Variants in DPY19L3 observed in about 807,000 individuals in gnomAD.
DPY19L3 encodes dpy-19 like C-mannosyltransferase 3.
DPY19L3 carries 51 observed loss-of-function variants against 92.3 expected under a neutral mutation model. The observed-to-expected ratio is 0.55, with a 90% CI of 0.44 to 0.70. The LOEUF (loss-of-function observed/expected upper bound fraction) is 0.70, where lower values mean the gene tolerates loss of function less well. Ranked by LOEUF, DPY19L3 falls within the 30% of genes least tolerant of loss-of-function variation. DPY19L3 has a pLI of 0.00. For synonymous variants in DPY19L3, 309 were observed against 315.2 expected (o/e 0.98, Z 0.21); for missense variants, 706 against 855.9 (o/e 0.82, Z 2.18).
chr19:32,406,114 C>G (rs966199516), intron 1 of DPY19L3: 4 of 151,976 alleles, frequency 2.6e-5, no homozygotes, highest in African/African-American at 4.8e-5. Flanking sequence ...GGGCTGGGCT[C>G]CGGAAGGACC....
At chr19:32,479,790 C>T (rs930654221) in intron 17 of DPY19L3, among the ~76,000 whole-genome samples, 1 of 152,216 alleles carries the variant, frequency 6.6e-6, no homozygotes, top group Non-Finnish European at 1.5e-5. Flanking sequence ...TGTGGCGTTG[C>T]CCACGGTGTG....
At chr19:32,414,093 G>A (rs1296497241) in intron 3 of DPY19L3, among the ~76,000 whole-genome samples, 1 of 151,996 alleles carries the variant, frequency 6.6e-6, no homozygotes, top group Non-Finnish European at 1.5e-5. Flanking sequence ...GACCAGCCTG[G>A]CCAACATGGT....
Position 32,437,252 on chromosome 19 carries a change from A to T in DPY19L3, c.509A>T (p.Tyr170Phe), listed in dbSNP as rs779217150. The T allele has an allele frequency of 6.2e-7, 1 of 1,614,010 alleles. No homozygotes were observed. Among genetic ancestry groups the T allele is most frequent in the Non-Finnish European group, 8.5e-7 (1 of 1,180,024 alleles). ...ACCTTATTTGGGCTCCAGGCGATCT[A>T]TGTCACAGCTCTCTACATAACCAGC... is the stretch of plus-strand genomic sequence containing the variant. ...IYTLFGLQAI[Y>F]VTALYITSWL... The change falls in exon 6 of 19, where the codon TAT (tyrosine) becomes TTT (phenylalanine). Residue 170 changes from tyrosine to phenylalanine, a missense_variant. Tyr to Phe is a conservative substitution (Grantham distance 22). Coordinates refer to ENST00000392250, the MANE Select transcript of DPY19L3 (RefSeq NM_001172774.2).
At chr19:32,465,601 G>T (rs1009790567) in intron 15 of DPY19L3, among the ~76,000 whole-genome samples, 1 of 152,178 alleles carries the variant, frequency 6.6e-6, no homozygotes, top group African/African-American at 2.4e-5. Flanking sequence ...AAAAGCAGGG[G>T]TGATGGGACC....
chr19:32,411,143 CAGCTAGACTT>C, intron 2 of DPY19L3, 86 bp from the exon 3 acceptor site: 1 of 1,298,170 alleles, frequency 7.7e-7, no homozygotes, highest in Non-Finnish European at 1.1e-6. Context: ...CAGTGACAGG[CAGCTAGACTT>C]AGCTTACTTG....
Position 32,458,170 on chromosome 19 carries a change from CA to C in DPY19L3, c.1162del (p.Arg388GlyfsTer42), listed in dbSNP as rs1969926389. 1 of 1,612,826 alleles carries C rather than the reference CA, an allele frequency of 6.2e-7. No homozygotes were observed. On this transcript the variant is annotated frameshift_variant and splice_region_variant, in exon 11 of 19. Coordinates refer to ENST00000392250, the MANE Select transcript of DPY19L3 (RefSeq NM_001172774.2). LOFTEE classifies it high-confidence loss of function. ...AAGGCAAAATTTGGGCTTGGAGCAACAAGGTATAACTGAATTGAAAGTCTAT... is the reference window on the plus strand; with the variant it reads ...AAGGCAAAATTTGGGCTTGGAGCAACAGGTATAACTGAATTGAAAGTCTAT... ...FLKAKFGLGA[T>X]RDFDANLYLC...
At position 32,485,824 on chromosome 19, in the gene DPY19L3, G is replaced by A. The variant is rs1350443302; in HGVS notation, c.*3584G>A. On this transcript the variant is annotated 3_prime_UTR_variant, in exon 19 of 19. Coordinates refer to ENST00000392250, the MANE Select transcript of DPY19L3 (RefSeq NM_001172774.2). ...CCCTTTGGGTAAAATCTTGCAAAGA[G>A]CTTTTATAATTTGTTTTACTGAATT... 6.6e-6 allele frequency: 1 copy of A among 152,188 alleles called. No homozygotes were observed. Among genetic ancestry groups the A allele is most frequent in the Non-Finnish European group, 1.5e-5 (1 of 68,036 alleles). 9.4% of individuals were successfully genotyped at this position (152,188 alleles called of 1,614,324 possible). A position where few individuals can be genotyped will look rare whatever the true frequency, so the allele number is the denominator to read the frequency against.
intron 3 of DPY19L3, among the ~76,000 whole-genome samples, chr19:32,431,470 A>C (rs1968966502): frequency 6.6e-6 from 1 of 152,112 alleles, no homozygotes; most frequent in Non-Finnish European, 1.5e-5. Context: ...CTGGTGTAAA[A>C]GAATCTCTAA....
intron 8 of DPY19L3, among the ~76,000 whole-genome samples, chr19:32,450,059 A>G (rs79942920): frequency 0.015 from 2,344 of 152,320 alleles, 51 homozygotes; most frequent in African/African-American, 0.05. Context: ...AACTCTTTCA[A>G]TGATAAAATA....
chr19:32,407,897 C>T (rs1272284638), intron 1 of DPY19L3, among the ~76,000 whole-genome samples: 1 of 152,072 alleles, frequency 6.6e-6, no homozygotes, highest in Admixed American at 6.6e-5. Flanking sequence ...AGTTCAGTAC[C>T]AGCCTGGGCA....
At chr19:32,413,519 A>G (rs191496239) in intron 3 of DPY19L3, among the ~76,000 whole-genome samples, 4 of 151,918 alleles carry the variant, frequency 2.6e-5, no homozygotes, top group Admixed American at 2.6e-4. Flanking sequence ...TTACATATGT[A>G]TACATGTGCC....
intron 6 of DPY19L3, among the ~76,000 whole-genome samples, chr19:32,438,267 C>G (rs1009078428): frequency 7.2e-5 from 11 of 151,958 alleles, no homozygotes; most frequent in African/African-American, 2.7e-4. Context: ...TATGACAGTC[C>G]TGTTGGGGGT....
rs1362977660 is a variant in DPY19L3, at chr19:32,483,034, C to T, written c.*794C>T. ...AAAACTTACTGATACTCTTTAACCT[C>T]TCCTGCAGTAATAGTTTTGCTTTAT... On this transcript the variant is annotated 3_prime_UTR_variant, in exon 19 of 19. Coordinates refer to ENST00000392250, the MANE Select transcript of DPY19L3 (RefSeq NM_001172774.2). 1 of 152,198 alleles carries T rather than the reference C, an allele frequency of 6.6e-6. No homozygotes were observed. Among genetic ancestry groups the T allele is most frequent in the African/African-American group, 2.4e-5 (1 of 41,452 alleles). The allele number at this position is 152,198 out of a possible 1,614,324, so 9.4% of individuals were successfully genotyped here.
At chr19:32,460,197 T>C (rs184021071) in intron 12 of DPY19L3, among the ~76,000 whole-genome samples, 54 of 151,972 alleles carry the variant, frequency 3.6e-4, no homozygotes, top group African/African-American at 1.3e-3. Flanking sequence ...GGCTAGGAGT[T>C]CTAGACCAGC....
At chr19:32,465,759 T>TA (rs1225514238) in intron 15 of DPY19L3, among the ~76,000 whole-genome samples, 1 of 152,198 alleles carries the variant, frequency 6.6e-6, no homozygotes, top group Admixed American at 6.5e-5. Flanking sequence ...TGTGTTCTGT[T>TA]ATGAGCCTGT....
intron 2 of DPY19L3, among the ~76,000 whole-genome samples, chr19:32,410,253 A>C (rs1568320890): frequency 6.6e-6 from 1 of 152,084 alleles, no homozygotes; most frequent in Non-Finnish European, 1.5e-5. Flanking sequence ...CATGTCCTTA[A>C]TCTTTTTCCT....
chr19:32,480,004 C>T (rs1326682227), intron 17 of DPY19L3, among the ~76,000 whole-genome samples: 4 of 152,156 alleles, frequency 2.6e-5, no homozygotes, highest in Admixed American at 2.6e-4. Flanking sequence ...TCAGACTGTC[C>T]CATCACCCTT....
At position 32,463,430 on chromosome 19, in the gene DPY19L3, A is replaced by G. The variant is rs763731025; in HGVS notation, c.1387A>G (p.Thr463Ala). The G allele has an allele frequency of 6.8e-6, 11 of 1,613,872 alleles. No individual in the cohort carries two copies. The South Asian group carries it at 8.8e-5, about 13-fold the overall frequency. ...EKGTVDLKPE[T>A]AYNLIHTILF... ...AGGCACAGTTGACCTGAAACCAGAA[A>G]CTGCCTACAACTTAATACATACCAT... Residue 463 changes from threonine to alanine, a missense_variant, in exon 13 of 19, where the codon ACT becomes GCT. Thr to Ala is a moderately conservative substitution (Grantham distance 58). Coordinates refer to ENST00000392250, the MANE Select transcript of DPY19L3 (RefSeq NM_001172774.2).
chr19:32,453,398 A>G lies in DPY19L3; in HGVS notation c.987+122A>G. 3 of 995,884 alleles carry G rather than the reference A, an allele frequency of 3.0e-6. 1 individual carries two copies. The highest frequency in any genetic ancestry group is 4.3e-6 in the Non-Finnish European group (3 of 703,348). 61.7% of individuals were successfully genotyped at this position (995,884 alleles called of 1,614,324 possible). A position where few individuals can be genotyped will look rare whatever the true frequency, so the allele number is the denominator to read the frequency against. ...CAACCTGATTTGCACTAAAAAGAGC[A>G]CGTGGCATTGTGTGCTTTTTCTTGT... On this transcript the variant is annotated intron_variant, in intron 9 of 18. Coordinates refer to ENST00000392250, the MANE Select transcript of DPY19L3 (RefSeq NM_001172774.2).
Sources: gnomAD v4.1 joint callset for allele counts (sites outside exome capture counted in the v4.1 genomes callset) on GRCh38, gnomAD v4.1.1 for gene constraint, MANE v1.5 for transcripts, NCBI Gene and HGNC (gene_info 2026-07-23, HGNC 2026-07-21) for gene names.